Variants in PLEKHA8 observed in about 807,000 individuals in gnomAD.
PLEKHA8 encodes the protein pleckstrin homology domain containing A8.
In PLEKHA8, 36 loss-of-function variants were observed where a neutral mutation model predicts 68.2. That is an observed-to-expected ratio of 0.53 (90% CI 0.40 to 0.70). The LOEUF is 0.70. PLEKHA8 is among the 30% of genes least tolerant of loss of function. The probability of loss-of-function intolerance (pLI) is 0.00; values close to 1 mark genes in which losing one functional copy is unlikely to be tolerated. For missense variants in PLEKHA8, 505 were observed against 615.4 expected (o/e 0.82, Z 1.90); for synonymous variants, 211 against 216.1 (o/e 0.98, Z 0.20).
intron 13 of PLEKHA8, among the ~76,000 whole-genome samples, chr7:30,114,561 C>A (rs1796368190): frequency 6.6e-6 from 1 of 152,196 alleles, no homozygotes; most frequent in Admixed American, 6.5e-5. Context: ...ATTTTACATT[C>A]CCTTTCCAAT....
intron 13 of PLEKHA8, among the ~76,000 whole-genome samples, chr7:30,121,807 C>T (rs17158631): frequency 0.022 from 3,303 of 152,304 alleles, 51 homozygotes; most frequent in East Asian, 0.041. Flanking sequence ...TAGCAAATTG[C>T]TATTTCCAGG....
intron 1 of PLEKHA8, among the ~76,000 whole-genome samples, chr7:30,036,360 CAAAT>C (rs909555500): frequency 1.1e-4 from 16 of 151,264 alleles, no homozygotes; most frequent in South Asian, 2.1e-4. Flanking sequence ...AAGACTGTCA[CAAAT>C]AGATAGTGTA....
chr7:30,028,890 A>AG, intron 1 of PLEKHA8, 88 bp downstream of exon 1: 2 of 1,211,424 alleles, frequency 1.7e-6, no homozygotes, highest in East Asian at 6.3e-5. Flanking sequence ...CGTCTTAGGG[A>AG]GGGGGTCACG....
At chr7:30,115,568 GTA>G (rs1481330876) in intron 13 of PLEKHA8, among the ~76,000 whole-genome samples, 1 of 50,688 alleles carries the variant, frequency 2.0e-5, no homozygotes, top group Non-Finnish European at 6.1e-5. Context: ...GTAGACATAT[GTA>G]TACATGCACG....
rs35738941 is a variant in PLEKHA8 at position 30,073,563 on chromosome 7, T to TAAAAAAAAAAAAAAAA, written c.1301-497_1301-482dup. On this transcript the variant is annotated intron_variant, in intron 12 of 13. Transcript: ENST00000449726. ...TAAGAGTGGAAGTATTTGTGTTTCT[T>TAAAAAAAAAAAAAAAA]AAAAAAAAAAAAAAAAAAAAAAAAA... Among the ~76,000 whole-genome samples, 72 of 111,758 alleles carry TAAAAAAAAAAAAAAAA rather than the reference T, an allele frequency of 6.4e-4. 1 individual carries two copies. The highest frequency in any genetic ancestry group is 2.4e-3 in the African/African-American group (67 of 28,054). 73.3% of individuals were successfully genotyped at this position (111,758 alleles called of 152,430 possible). A position where few individuals can be genotyped will look rare whatever the true frequency, so the allele number is the denominator to read the frequency against.
rs532467200 is a variant in PLEKHA8, at chr7:30,028,801, C to T, written c.39C>T (p.Ser13=). 6.3e-6 allele frequency: 8 copies of T among 1,269,910 alleles called. No homozygotes were observed. Among genetic ancestry groups the T allele is most frequent in the South Asian group, 7.7e-5 (2 of 26,070 alleles). The allele number at this position is 1,269,910 out of a possible 1,614,324, so 78.7% of individuals were successfully genotyped here. The change falls in exon 1 of 14, where the codon AGC becomes AGT. Residue 13 remains serine, a splice_region_variant and synonymous_variant. Coordinates refer to ENST00000449726, the MANE Select transcript of PLEKHA8 (RefSeq NM_001197026.2). ...TGTACAAGTGGACCAACTATCTGAG[C>T]GGTGAGTGGCCGTGCCGGGCCGGGG... ...GVLYKWTNYL[S]GWQPRWFLLC...
Position 30,084,192 on chromosome 7 carries a change from C to T in PLEKHA8, c.*5405C>T, listed in dbSNP as rs1221621969. On this transcript the variant is annotated 3_prime_UTR_variant, in exon 14 of 14. Coordinates refer to ENST00000449726, the MANE Select transcript of PLEKHA8 (RefSeq NM_001197026.2). ...AAGAAGAAACATGATAGACCAGATG[C>T]CAAAGGCTAAAATGTACATAGATTT... is the stretch of plus-strand genomic sequence containing the variant. The T allele has an allele frequency of 2.0e-6, 2 of 985,150 alleles. No homozygotes were observed. The highest frequency in any genetic ancestry group is 1.1e-4 in the East Asian group (1 of 8,816). The allele number at this position is 985,150 out of a possible 1,614,324, so 61.0% of individuals were successfully genotyped here. A position where few individuals can be genotyped will look rare whatever the true frequency, so the allele number is the denominator to read the frequency against.
chr7:30,037,144 A>G (rs1355018285), intron 1 of PLEKHA8, among the ~76,000 whole-genome samples: 3 of 152,320 alleles, frequency 2.0e-5, no homozygotes, highest in East Asian at 3.9e-4. Context: ...AAAATGGTAG[A>G]TTATTTCACT....
In PLEKHA8 at chr7:30,049,236, G is replaced by A. The variant is rs149804181; in HGVS notation, c.451G>A (p.Val151Met). The A allele has an allele frequency of 5.6e-6, 9 of 1,613,760 alleles. No individual in the cohort carries two copies. In the African/African-American group the frequency reaches 9.3e-5, roughly 17 times the overall value. The change falls in exon 5 of 14, where the codon GTG (valine) becomes ATG (methionine). Residue 151 changes from valine (V) to methionine (M), a missense_variant. Coordinates refer to ENST00000449726, the MANE Select transcript of PLEKHA8 (RefSeq NM_001197026.2). ...GGTTGTTTCGTAGGAGGGAATTGAT[G>A]TGGGAACTTTGCTGAAATCAACCTG... ...GVSNSEEGID[V>M]GTLLKSTCNT...
chr7:30,040,826 T>A (rs1014374993), intron 1 of PLEKHA8, among the ~76,000 whole-genome samples: 1 of 152,222 alleles, frequency 6.6e-6, no homozygotes, highest in South Asian at 2.1e-4. Context: ...TGAAGTTTTA[T>A]GTCTAATCCT....
downstream of PLEKHA8, among the ~76,000 whole-genome samples, chr7:30,091,124 C>T (rs991580480): frequency 2.0e-5 from 3 of 152,240 alleles, no homozygotes; most frequent in Middle Eastern, 3.4e-3. Flanking sequence ...CCCTCCAGTC[C>T]GGGCAATACA....
intron 12 of PLEKHA8, among the ~76,000 whole-genome samples, chr7:30,065,407 C>A (rs568078535): frequency 6.6e-6 from 1 of 152,074 alleles, no homozygotes. Flanking sequence ...TCCAAAGTTC[C>A]CCTGTTAAAC....
chr7:30,055,901 C>T (rs1583823494), intron 9 of PLEKHA8, among the ~76,000 whole-genome samples: 1 of 151,744 alleles, frequency 6.6e-6, no homozygotes, highest in African/African-American at 2.4e-5. Flanking sequence ...AGTGATCCTT[C>T]CCTCCCAAAA....
chr7:30,052,009 G>A (rs904179576), intron 6 of PLEKHA8, among the ~76,000 whole-genome samples: 3 of 152,060 alleles, frequency 2.0e-5, no homozygotes, highest in South Asian at 2.1e-4. Context: ...GTTACTGGCC[G>A]GGCAAACACA....
intron 1 of PLEKHA8, among the ~76,000 whole-genome samples, chr7:30,043,449 TATA>T (rs1185824472): frequency 6.6e-6 from 1 of 152,178 alleles, no homozygotes; most frequent in Non-Finnish European, 1.5e-5. Context: ...CCATATAAAA[TATA>T]ATAAGAGCAA....
chr7:30,078,493 A>T (rs1013058601), intron 13 of PLEKHA8, 97 bp from the exon 14 acceptor site: 1 of 1,255,502 alleles, frequency 8.0e-7, no homozygotes, highest in African/African-American at 1.5e-5. Flanking sequence ...AGCTGTTTGT[A>T]TGTGTGAAAG....
At position 30,049,278 on chromosome 7, in the gene PLEKHA8, A is replaced by T. The variant is rs1562862814; in HGVS notation, c.493A>T (p.Thr165Ser). ...LKSTCNTFLK[T>S]LEECMQIANA... ...ATCAACCTGTAATACTTTTCTGAAG[A>T]CCTTGGAAGAATGCATGCAGATCGC... Residue 165 changes from threonine (T) to serine (S), a missense_variant, in exon 5 of 14, where the codon ACC becomes TCC. Coordinates refer to ENST00000449726, the MANE Select transcript of PLEKHA8 (RefSeq NM_001197026.2). The T allele has an allele frequency of 6.2e-7, 1 of 1,613,980 alleles. No homozygotes were observed. Among genetic ancestry groups the T allele is most frequent in the East Asian group, 2.2e-5 (1 of 44,886 alleles).
chr7:30,073,538 T>A (rs1356366015), intron 12 of PLEKHA8, among the ~76,000 whole-genome samples: 1 of 127,882 alleles, frequency 7.8e-6, no homozygotes, highest in African/African-American at 3.1e-5. Context: ...TGACCCAGAG[T>A]AAGAGTGGAA....
At chr7:30,129,144 G>A in intron 13 of PLEKHA8, 3 of 1,373,160 alleles carry the variant, frequency 2.2e-6, no homozygotes, top group South Asian at 2.4e-5. Context: ...AATATACCTT[G>A]CTGAAAAACT....
Sources: gnomAD v4.1 joint callset for allele counts (sites outside exome capture counted in the v4.1 genomes callset) on GRCh38, gnomAD v4.1.1 for gene constraint, MANE v1.5 for transcripts, NCBI Gene and HGNC (gene_info 2026-07-23, HGNC 2026-07-21) for gene names.